KCNQ5: variants seen among roughly 807,000 people sequenced by gnomAD.
KCNQ5 encodes potassium voltage-gated channel subfamily KQT member 5.
KCNQ5 carries 30 observed loss-of-function variants against 98.2 expected under a neutral mutation model. The observed-to-expected ratio is 0.31, with a 90% CI of 0.23 to 0.41. The LOEUF (loss-of-function observed/expected upper bound fraction) is 0.41, where lower values mean the gene tolerates loss of function less well. KCNQ5 is among the 10% of genes least tolerant of loss of function. KCNQ5 has a pLI of 1.00. For synonymous variants in KCNQ5, 458 were observed against 449.4 expected (o/e 1.02, Z -0.24); for missense variants, 835 against 1,182.5 (o/e 0.71, Z 4.31).
At chr6:73,123,514 G>A (rs1289621962) in intron 8 of KCNQ5, among the ~76,000 whole-genome samples, 1 of 152,082 alleles carries the variant, frequency 6.6e-6, no homozygotes, top group African/African-American at 2.4e-5. Context: ...ACCTGCCAGG[G>A]ATACAACCAG....
chr6:73,028,366 A>G (rs1770984811), intron 2 of KCNQ5, among the ~76,000 whole-genome samples: 1 of 152,172 alleles, frequency 6.6e-6, no homozygotes, highest in Non-Finnish European at 1.5e-5. Flanking sequence ...GATGCAAACG[A>G]GAGAGGCAAG....
intron 3 of KCNQ5, among the ~76,000 whole-genome samples, chr6:73,049,066 C>T (rs974949949): frequency 1.3e-5 from 2 of 152,232 alleles, no homozygotes; most frequent in Admixed American, 1.3e-4. Context: ...CTGCAATTTG[C>T]CAGTATGAGT....
At chr6:72,623,391 AGTGTGTGTGTGTGTGTGTGT>A (rs1214797915) in intron 1 of KCNQ5, among the ~76,000 whole-genome samples, 6 of 143,042 alleles carry the variant, frequency 4.2e-5, no homozygotes, top group Non-Finnish European at 9.1e-5. Flanking sequence ...GGAGTCAAAG[AGTGTGTGTGTGTGTGTGTGT>A]GTGTGTGTGT....
chr6:73,021,569 C>G lies in KCNQ5; in HGVS notation c.489+17571C>G, dbSNP rs111822147. ...TTATTGTTTTGTTCATCACTTTAGCCCCAGTGCCTAGAACAAAATAGGTAT... is the reference window on the plus strand; with the variant it reads ...TTATTGTTTTGTTCATCACTTTAGCGCCAGTGCCTAGAACAAAATAGGTAT... On this transcript the variant is annotated intron_variant, in intron 2 of 13. Coordinates refer to ENST00000370398, the MANE Select transcript of KCNQ5 (RefSeq NM_019842.4). Among the ~76,000 whole-genome samples, 997 of 152,134 alleles carry G rather than the reference C, an allele frequency of 6.6e-3. 8 individuals are homozygous for G. Among genetic ancestry groups the G allele is most frequent in the African/African-American group, 0.023 (969 of 41,508 alleles).
At chr6:73,035,596 C>T (rs933572743) in intron 2 of KCNQ5, among the ~76,000 whole-genome samples, 1 of 152,080 alleles carries the variant, frequency 6.6e-6, no homozygotes, top group African/African-American at 2.4e-5. Flanking sequence ...TAAATCATCT[C>T]GACTGAATGT....
At chr6:72,704,330 G>T (rs1414317412) in intron 1 of KCNQ5, among the ~76,000 whole-genome samples, 2 of 151,798 alleles carry the variant, frequency 1.3e-5, no homozygotes, top group Non-Finnish European at 2.9e-5. Flanking sequence ...ATATTTGCAG[G>T]TTTATTATTT....
chr6:72,901,762 GT>G (rs1283159089), intron 1 of KCNQ5, among the ~76,000 whole-genome samples: 6 of 152,146 alleles, frequency 3.9e-5, no homozygotes, highest in African/African-American at 1.4e-4. Flanking sequence ...TTATAGTATA[GT>G]TTGAAATCAG....
intron 1 of KCNQ5, among the ~76,000 whole-genome samples, chr6:73,000,423 T>A (rs1769508886): frequency 6.6e-6 from 1 of 152,226 alleles, no homozygotes. Flanking sequence ...ATGCTTGGTC[T>A]GCACTGTCAG....
chr6:73,016,645 C>T (rs749102844), intron 2 of KCNQ5, among the ~76,000 whole-genome samples: 8 of 151,988 alleles, frequency 5.3e-5, no homozygotes, highest in Non-Finnish European at 8.8e-5. Flanking sequence ...TGAAGTTATT[C>T]AAGTAAAACA....
chr6:72,671,709 C>A (rs1341222299), intron 1 of KCNQ5, among the ~76,000 whole-genome samples: 1 of 152,136 alleles, frequency 6.6e-6, no homozygotes. Context: ...CAACCTAGTT[C>A]ATGATAGCAG....
chr6:73,138,850 A>T (rs983562623), intron 10 of KCNQ5, among the ~76,000 whole-genome samples: 1 of 152,164 alleles, frequency 6.6e-6, no homozygotes, highest in Non-Finnish European at 1.5e-5. Flanking sequence ...CACTGATGGT[A>T]ATTCCTCTCT....
intron 1 of KCNQ5, among the ~76,000 whole-genome samples, chr6:72,763,774 A>G (rs1772409782): frequency 6.6e-6 from 1 of 152,000 alleles, no homozygotes; most frequent in Non-Finnish European, 1.5e-5. Context: ...AGAACAAAGT[A>G]ATGTTTTCCA....
chr6:73,177,848 G>A (rs1235724149), intron 11 of KCNQ5, among the ~76,000 whole-genome samples: 1 of 152,164 alleles, frequency 6.6e-6, no homozygotes, highest in African/African-American at 2.4e-5. Flanking sequence ...TCCCTGGAAT[G>A]TTGTTTTTGC....
intron 1 of KCNQ5, among the ~76,000 whole-genome samples, chr6:72,988,787 C>G (rs1423434750): frequency 1.9e-5 from 2 of 107,370 alleles, no homozygotes; most frequent in Non-Finnish European, 3.8e-5. Flanking sequence ...GTATATCTCC[C>G]AATGCTATCC....
intron 1 of KCNQ5, among the ~76,000 whole-genome samples, chr6:72,750,230 A>G (rs534448401): frequency 4.7e-4 from 72 of 152,230 alleles, no homozygotes; most frequent in Admixed American, 1.2e-3. Flanking sequence ...GTTCAAATGT[A>G]CTAACTCTAT....
At chr6:73,125,176 G>C (rs1433941586) in intron 9 of KCNQ5, among the ~76,000 whole-genome samples, 1 of 151,110 alleles carries the variant, frequency 6.6e-6, no homozygotes, top group Non-Finnish European at 1.5e-5. Context: ...CTTTTAGGAA[G>C]AAGACAACCC....
intron 1 of KCNQ5, among the ~76,000 whole-genome samples, chr6:72,714,013 T>C (rs1399086373): frequency 6.6e-6 from 1 of 152,204 alleles, no homozygotes; most frequent in Non-Finnish European, 1.5e-5. Flanking sequence ...ACGTGCAAGA[T>C]AAAATGCCAT....
intron 1 of KCNQ5, among the ~76,000 whole-genome samples, chr6:72,895,558 A>G (rs1322452703): frequency 6.6e-6 from 1 of 151,484 alleles, no homozygotes; most frequent in Non-Finnish European, 1.5e-5. Context: ...GAGGAACGTT[A>G]AGTAACACTT....
chr6:72,640,448 AAATAAGTG>A (rs1374239779), intron 1 of KCNQ5, among the ~76,000 whole-genome samples: 1 of 152,182 alleles, frequency 6.6e-6, no homozygotes, highest in African/African-American at 2.4e-5. Context: ...TTCAACGAAT[AAATAAGTG>A]AATAAGTGAA....
Sources: gnomAD v4.1 joint callset for allele counts (sites outside exome capture counted in the v4.1 genomes callset) on GRCh38, gnomAD v4.1.1 for gene constraint, MANE v1.5 for transcripts, NCBI Gene and HGNC (gene_info 2026-07-23, HGNC 2026-07-21) for gene names.